GNL3L: variants seen among roughly 807,000 people sequenced by gnomAD.
GNL3L encodes guanine nucleotide-binding protein-like 3-like protein.
Under a neutral mutation model 42.9 loss-of-function variants are expected in GNL3L, and 4 were observed. That is an observed-to-expected ratio of 0.09 (90% CI 0.05 to 0.21). GNL3L has a LOEUF of 0.21. Among genes scored for constraint, GNL3L ranks in the 10% least tolerant of loss-of-function variants. The pLI is 1.00. For missense variants in GNL3L, 412 were observed against 481.7 expected (o/e 0.86, Z 1.36); for synonymous variants, 159 against 176.3 (o/e 0.90, Z 0.78).
chrX:54,604,295 A>G (rs893918180), intron 16 of GNL3L, among the ~76,000 whole-genome samples: 2 of 112,191 alleles, frequency 1.8e-5, no homozygotes, highest in African/African-American at 6.5e-5. Context: ...ATACTGTAGT[A>G]CGAATAAGAA....
intron 16 of GNL3L, among the ~76,000 whole-genome samples, chrX:54,575,695 C>G (rs905416330): frequency 8.1e-4 from 90 of 110,868 alleles, no homozygotes; most frequent in African/African-American, 2.9e-3. Flanking sequence ...GATCTCGCCA[C>G]TGCACTCCAG....
chrX:54,585,393 T>C (rs750979532), intron 16 of GNL3L, among the ~76,000 whole-genome samples: 1 of 111,212 alleles, frequency 9.0e-6, no homozygotes, highest in African/African-American at 3.3e-5. Context: ...CCCTAGTCTT[T>C]TCTTTGTTGG....
chrX:54,587,774 G>A (rs1215117762), intron 16 of GNL3L, among the ~76,000 whole-genome samples: 2 of 109,177 alleles, frequency 1.8e-5, no homozygotes, highest in East Asian at 2.9e-4. Context: ...TCTGCCTCTC[G>A]GGTTCAAGCG....
At chrX:54,623,862 T>G (rs1394579028), downstream of GNL3L, among the ~76,000 whole-genome samples, 2 of 111,592 alleles carry the variant, frequency 1.8e-5, no homozygotes, top group African/African-American at 6.5e-5. Context: ...GATCTTATAC[T>G]CTGTAACTTT....
chrX:54,571,099 A>T (rs765891879), downstream of GNL3L, among the ~76,000 whole-genome samples: 4 of 111,214 alleles, frequency 3.6e-5, no homozygotes, highest in East Asian at 8.4e-4. Context: ...TTTTTGCTAC[A>T]TATAGAATTT....
downstream of GNL3L, among the ~76,000 whole-genome samples, chrX:54,569,940 G>A (rs1042764306): frequency 2.6e-4 from 29 of 111,710 alleles, no homozygotes; most frequent in African/African-American, 9.4e-4. Context: ...ACTTGAATAT[G>A]TTAAAACATA....
intron 16 of GNL3L, among the ~76,000 whole-genome samples, chrX:54,581,683 G>A (rs1321245116): frequency 1.8e-5 from 2 of 112,205 alleles, no homozygotes; most frequent in Non-Finnish European, 3.8e-5. Context: ...TTTGTGATAG[G>A]ATTTTTATAG....
Position 54,539,038 on chromosome X carries a change from A to T in GNL3L, c.20-2A>T, listed in dbSNP as rs1181426042. On this transcript the variant is annotated splice_acceptor_variant, in intron 2 of 15. Coordinates refer to ENST00000360845, the MANE Select transcript of GNL3L (RefSeq NM_001184819.2). LOFTEE classifies it high-confidence loss of function. ...CTTTTCTTTCTTTTTTTTCTTTTGT[A>T]GAAAATAAAAAGCCAGGTGAAGGTT... 2 of 1,116,707 alleles carry T rather than the reference A, an allele frequency of 1.8e-6. No homozygotes were observed. Among genetic ancestry groups the T allele is most frequent in the Admixed American group, 4.9e-5 (2 of 41,142 alleles). The allele number at this position is 1,116,707 out of a possible 1,213,427, so 92.0% of individuals were successfully genotyped here.
intron 14 of GNL3L, among the ~76,000 whole-genome samples, chrX:54,555,973 G>T (rs1925083755): frequency 9.1e-6 from 1 of 110,258 alleles, no homozygotes; most frequent in South Asian, 3.8e-4. Context: ...CTCCATCTCT[G>T]CCCTTGAGGA....
At position 54,564,976 on chromosome X, in the gene GNL3L, C is replaced by T. The variant is rs1367767082; in HGVS notation, c.*4374C>T. The stretch of plus-strand genomic sequence containing the variant: ...TCTTGAACTTCTGACCTCAAAAGAT[C>T]CACCCACCTCGGCCTCCCAAAGTGC... On this transcript the variant is annotated 3_prime_UTR_variant, in exon 16 of 16. Transcript: ENST00000360845. Among the ~76,000 whole-genome samples, 1 of 109,382 alleles carries T rather than the reference C, an allele frequency of 9.1e-6. No individual in the cohort carries two copies. The highest frequency in any genetic ancestry group is 1.9e-5 in the Non-Finnish European group (1 of 52,639). 95.0% of individuals were successfully genotyped at this position (109,382 alleles called of 115,157 possible).
chrX:54,638,691 C>T, the GNL3L span, among the ~76,000 whole-genome samples: 7 of 111,724 alleles, frequency 6.3e-5, no homozygotes, highest in Non-Finnish European at 1.3e-4. Context: ...CTCAGGTGAT[C>T]CACCCACCTC....
chrX:54,574,980 T>G (rs1280155148), intron 16 of GNL3L, among the ~76,000 whole-genome samples: 2 of 112,423 alleles, frequency 1.8e-5, no homozygotes, highest in African/African-American at 6.5e-5. Flanking sequence ...TTCATTCAGA[T>G]TTGATAATTT....
intron 16 of GNL3L, among the ~76,000 whole-genome samples, chrX:54,619,965 TTTTA>T (rs1306435398): frequency 2.7e-5 from 3 of 111,324 alleles, no homozygotes; most frequent in Non-Finnish European, 3.8e-5. Context: ...TGTCTGCCTG[TTTTA>T]TTTATTTATT....
In GNL3L at chrX:54,566,814, C is replaced by T. The variant is rs1925440983; in HGVS notation, c.*6212C>T. Among the ~76,000 whole-genome samples, 1 of 111,920 alleles carries T rather than the reference C, an allele frequency of 8.9e-6. No individual in the cohort carries two copies. Among genetic ancestry groups the T allele is most frequent in the African/African-American group, 3.2e-5 (1 of 30,793 alleles). ...ATTTTGAGACAGGATCTCACTGTCA[C>T]CCAGGCTGGGGTGCAGTGGTGTGCT... On this transcript the variant is annotated 3_prime_UTR_variant, in exon 16 of 16. Transcript: ENST00000360845.
At chrX:54,599,253 T>A (rs953073305) in intron 16 of GNL3L, among the ~76,000 whole-genome samples, 8 of 111,890 alleles carry the variant, frequency 7.1e-5, no homozygotes, top group African/African-American at 2.6e-4. Flanking sequence ...AAATTTTATA[T>A]CCAGTGAAAT....
At chrX:54,538,647 T>C (rs1924519197) in intron 2 of GNL3L, among the ~76,000 whole-genome samples, 1 of 111,761 alleles carries the variant, frequency 8.9e-6, no homozygotes, top group Non-Finnish European at 1.9e-5. Flanking sequence ...ACTGAGGGCA[T>C]CTGCCCAGGT....
At chrX:54,635,932 G>A in the GNL3L span, among the ~76,000 whole-genome samples, 17 of 110,616 alleles carry the variant, frequency 1.5e-4, no homozygotes, top group African/African-American at 5.3e-4. Flanking sequence ...GCATGCACAT[G>A]GCTTTCTAAA....
intron 16 of GNL3L, among the ~76,000 whole-genome samples, chrX:54,573,880 T>C (rs1288415513): frequency 9.3e-6 from 1 of 107,633 alleles, no homozygotes; most frequent in African/African-American, 3.4e-5. Context: ...GCATAACCAG[T>C]AATCTTTGAT....
intron 1 of GNL3L, among the ~76,000 whole-genome samples, chrX:54,531,264 C>A (rs1200386248): frequency 9.1e-6 from 1 of 109,862 alleles, no homozygotes; most frequent in Non-Finnish European, 1.9e-5. Flanking sequence ...CTACCTCCCC[C>A]AAAGATTTAG....
Sources: gnomAD v4.1 joint callset for allele counts (sites outside exome capture counted in the v4.1 genomes callset) on GRCh38, gnomAD v4.1.1 for gene constraint, MANE v1.5 for transcripts, NCBI Gene and HGNC (gene_info 2026-07-23, HGNC 2026-07-21) for gene names.